The following EYS variants were observed in gnomAD, a reference collection of about 807,000 sequenced individuals.
The protein encoded by EYS is protein eyes shut homolog.
Under a neutral mutation model 282.1 loss-of-function variants are expected in EYS, and 250 were observed. The ratio of observed to expected loss-of-function variants is 0.89; its 90% CI spans 0.80 to 0.98. The LOEUF (loss-of-function observed/expected upper bound fraction) is 0.98, where lower values mean the gene tolerates loss of function less well. Ranked by LOEUF, EYS falls within the 50% of genes least tolerant of loss-of-function variation. EYS has a pLI of 0.00. For synonymous variants in EYS, 1,355 were observed against 1,282.9 expected (o/e 1.06, Z -1.20); for missense variants, 4,016 against 3,709.0 (o/e 1.08, Z -2.15).
At chr6:64,237,249 A>C (rs955779140) in intron 30 of EYS, among the ~76,000 whole-genome samples, 60 of 152,328 alleles carry the variant, frequency 3.9e-4, no homozygotes, top group African/African-American at 1.2e-3. Context: ...AGTTTTCTGA[A>C]CTTGCCTAAC....
intron 8 of EYS, among the ~76,000 whole-genome samples, chr6:65,371,994 A>G: frequency 1.0e-5 from 1 of 100,192 alleles, no homozygotes; most frequent in East Asian, 2.2e-4. Flanking sequence ...GGATAATTGT[A>G]AAAAAAAAAA....
chr6:64,877,389 T>C (rs1456436637), intron 19 of EYS, among the ~76,000 whole-genome samples: 1 of 152,174 alleles, frequency 6.6e-6, no homozygotes, highest in Admixed American at 6.6e-5. Flanking sequence ...TCATAGAACA[T>C]ATTTGGGAAT....
chr6:65,256,358 T>C (rs867232194), intron 12 of EYS, among the ~76,000 whole-genome samples: 91 of 140,640 alleles, frequency 6.5e-4, no homozygotes, highest in Middle Eastern at 3.4e-3. Flanking sequence ...CATGCTGGTG[T>C]GCTGCACCCA....
At chr6:64,151,333 A>ATATATT (rs1774712749) in intron 31 of EYS, among the ~76,000 whole-genome samples, 2 of 102,150 alleles carry the variant, frequency 2.0e-5, no homozygotes, top group Non-Finnish European at 3.7e-5. Flanking sequence ...ATATATATAT[A>ATATATT]TATATATATA....
At chr6:64,982,305 G>A (rs1391256992) in intron 14 of EYS, among the ~76,000 whole-genome samples, 1 of 151,258 alleles carries the variant, frequency 6.6e-6, no homozygotes, top group Non-Finnish European at 1.5e-5. Flanking sequence ...GGAAGACAAA[G>A]CAAGTTTAAT....
chr6:64,939,276 A>G (rs925907401), intron 15 of EYS, among the ~76,000 whole-genome samples: 9 of 151,874 alleles, frequency 5.9e-5, no homozygotes, highest in African/African-American at 2.2e-4. Context: ...AAATGCAACA[A>G]ATATCTGAAA....
chr6:65,626,692 G>C (rs950201645), intron 2 of EYS, among the ~76,000 whole-genome samples: 12 of 151,922 alleles, frequency 7.9e-5, no homozygotes, highest in South Asian at 2.1e-4. Context: ...GGAGTAAAGA[G>C]GTCAAAAGTG....
intron 22 of EYS, among the ~76,000 whole-genome samples, chr6:64,725,052 T>C (rs1306434108): frequency 6.6e-6 from 1 of 152,026 alleles, no homozygotes; most frequent in African/African-American, 2.4e-5. Flanking sequence ...GGTTAATAAA[T>C]AAAGAAGAAA....
intron 22 of EYS, among the ~76,000 whole-genome samples, chr6:64,657,943 A>G (rs1050443157): frequency 5.3e-5 from 8 of 152,198 alleles, no homozygotes; most frequent in Non-Finnish European, 1.2e-4. Context: ...AATATCCTGC[A>G]GAGTGTTTTC....
At chr6:65,618,574 A>C (rs971222869) in intron 2 of EYS, among the ~76,000 whole-genome samples, 4 of 152,242 alleles carry the variant, frequency 2.6e-5, no homozygotes, top group South Asian at 2.1e-4. Flanking sequence ...CCCATTTGTC[A>C]ATTTTGGCTT....
At chr6:65,681,741 T>G (rs1464947022) in intron 1 of EYS, among the ~76,000 whole-genome samples, 1 of 151,922 alleles carries the variant, frequency 6.6e-6, no homozygotes, top group Admixed American at 6.6e-5. Flanking sequence ...GAGTAAATGC[T>G]AAACAGATTT....
At chr6:65,080,392 A>G (rs1313504404) in intron 12 of EYS, among the ~76,000 whole-genome samples, 1 of 152,124 alleles carries the variant, frequency 6.6e-6, no homozygotes, top group Non-Finnish European at 1.5e-5. Context: ...TTTTAAGCCA[A>G]TGCTTATTTC....
rs762188217 is a variant in EYS at position 65,402,608 on chromosome 6, A to G, written c.1057-3T>C. The G allele has an allele frequency of 2.4e-5, 37 of 1,565,114 alleles. No homozygotes were observed. The highest frequency in any genetic ancestry group is 3.4e-5 in the Admixed American group (2 of 59,580). On this transcript the variant is annotated splice_polypyrimidine_tract_variant and splice_region_variant and intron_variant, in intron 6 of 42. Coordinates refer to ENST00000503581, the MANE Select transcript of EYS (RefSeq NM_001142800.2). ...GGTGAACAGATGCACATAACATCCT[A>G]GGAAAGATTAAAAAAATATTTTTAC...
intron 12 of EYS, among the ~76,000 whole-genome samples, chr6:65,109,743 G>A (rs6933676): frequency 0.45 from 68,766 of 151,424 alleles, 16,181 homozygotes; most frequent in African/African-American, 0.53. Flanking sequence ...GTAGTCCAAA[G>A]CCCACAGTGA....
intron 22 of EYS, among the ~76,000 whole-genome samples, chr6:64,732,674 C>T (rs184104431): frequency 6.6e-6 from 1 of 152,248 alleles, no homozygotes; most frequent in African/African-American, 2.4e-5. Context: ...CAGCTTCAAA[C>T]CCAAACCTCT....
intron 2 of EYS, among the ~76,000 whole-genome samples, chr6:65,539,255 T>C (rs1768073789): frequency 6.6e-6 from 1 of 152,166 alleles, no homozygotes; most frequent in Non-Finnish European, 1.5e-5. Flanking sequence ...CATAGAATAA[T>C]ATTTCTCAGA....
At chr6:64,242,895 A>G (rs1039760779) in intron 30 of EYS, among the ~76,000 whole-genome samples, 1 of 146,530 alleles carries the variant, frequency 6.8e-6, no homozygotes, top group African/African-American at 2.5e-5. Flanking sequence ...TAATAAATAT[A>G]ATATATTCAA....
intron 21 of EYS, 143 bp downstream of exon 21, chr6:64,821,502 G>T (rs1420328395): frequency 8.2e-6 from 4 of 489,774 alleles, no homozygotes; most frequent in Non-Finnish European, 1.5e-5. Context: ...AGCAGCCAAA[G>T]AATTACACAG....
At chr6:65,168,848 T>C (rs1228633343) in intron 12 of EYS, among the ~76,000 whole-genome samples, 1 of 151,422 alleles carries the variant, frequency 6.6e-6, no homozygotes, top group Non-Finnish European at 1.5e-5. Flanking sequence ...TTTTTAAAGC[T>C]ATTGAGTTTT....
Sources: allele counts gnomAD v4.1 joint callset (sites outside exome capture counted in the v4.1 genomes callset), GRCh38; gene constraint gnomAD v4.1.1; transcripts MANE v1.5; gene names NCBI Gene and HGNC (gene_info 2026-07-23, HGNC 2026-07-21).